The following SLC20A2 variants were observed in gnomAD, a reference collection of about 807,000 sequenced individuals.
The protein encoded by SLC20A2 is sodium-dependent phosphate transporter 2.
A neutral mutation model predicts 61.0 loss-of-function variants in SLC20A2; 30 were observed. The observed-to-expected ratio is 0.49, with a 90% CI of 0.37 to 0.67. SLC20A2 has a LOEUF of 0.67. SLC20A2 is among the 30% of genes least tolerant of loss of function. SLC20A2 has a pLI of 0.00. For synonymous variants in SLC20A2, 351 were observed against 353.3 expected, an observed-to-expected ratio of 0.99 and a Z score of 0.07; for missense variants, 626 against 866.4, an observed-to-expected ratio of 0.72 and a Z score of 3.48.
intron 1 of SLC20A2, among the ~76,000 whole-genome samples, chr8:42,509,627 G>A (rs538851490): frequency 7.2e-4 from 109 of 152,124 alleles, no homozygotes; most frequent in African/African-American, 2.0e-3. Context: ...AGTGGTACCC[G>A]CCTGTAGTCC....
chr8:42,440,443 T>A (rs1804688336), intron 6 of SLC20A2, among the ~76,000 whole-genome samples: 1 of 152,218 alleles, frequency 6.6e-6, no homozygotes. Context: ...TTGAAATCCA[T>A]CCACGTTGTT....
chr8:42,454,134 G>A (rs908387167), intron 5 of SLC20A2, among the ~76,000 whole-genome samples: 9 of 152,118 alleles, frequency 5.9e-5, no homozygotes, highest in African/African-American at 1.9e-4. Flanking sequence ...CTCCCGAGTA[G>A]CTGGGACTAC....
At chr8:42,535,494 A>G (rs1812643917) in intron 1 of SLC20A2, among the ~76,000 whole-genome samples, 2 of 152,246 alleles carry the variant, frequency 1.3e-5, no homozygotes. Flanking sequence ...AATATTTTCA[A>G]AAAAACTTAA....
At chr8:42,532,845 T>C (rs1037508159) in intron 1 of SLC20A2, among the ~76,000 whole-genome samples, 1 of 151,476 alleles carries the variant, frequency 6.6e-6, no homozygotes, top group African/African-American at 2.4e-5. Flanking sequence ...AAGTGGCAGG[T>C]GCGCAGGCGG....
intron 8 of SLC20A2, among the ~76,000 whole-genome samples, 166 bp downstream of exon 8, chr8:42,436,823 C>A (rs1804301807): frequency 6.6e-6 from 1 of 152,230 alleles, no homozygotes; most frequent in African/African-American, 2.4e-5. Flanking sequence ...TGCTCGCTGT[C>A]CCGCACGCAA....
intron 1 of SLC20A2, among the ~76,000 whole-genome samples, chr8:42,479,915 G>C (rs1221845637): frequency 6.6e-6 from 1 of 152,190 alleles, no homozygotes; most frequent in East Asian, 1.9e-4. Context: ...TGAATGAGGA[G>C]CACTCAGGGG....
intron 1 of SLC20A2, among the ~76,000 whole-genome samples, chr8:42,488,941 T>G (rs1443302555): frequency 3.4e-4 from 49 of 143,054 alleles, no homozygotes; most frequent in African/African-American, 1.0e-3. Flanking sequence ...TTTTGTTTTT[T>G]TTTTTTTTTT....
chr8:42,478,539 T>C (rs1473386686), intron 1 of SLC20A2, among the ~76,000 whole-genome samples: 1 of 152,082 alleles, frequency 6.6e-6, no homozygotes, highest in South Asian at 2.1e-4. Flanking sequence ...AAAAGTGAAG[T>C]GTACACTTGC....
chr8:42,456,200 T>G (rs949036605), intron 5 of SLC20A2, among the ~76,000 whole-genome samples: 1 of 152,112 alleles, frequency 6.6e-6, no homozygotes, highest in Non-Finnish European at 1.5e-5. Flanking sequence ...GTAATTGTCT[T>G]CTGACAGTTG....
At chr8:42,513,960 T>C (rs1272911726) in intron 1 of SLC20A2, among the ~76,000 whole-genome samples, 1 of 152,142 alleles carries the variant, frequency 6.6e-6, no homozygotes, top group African/African-American at 2.4e-5. Context: ...GTGTTCTGAA[T>C]ACAAGTGATG....
At chr8:42,450,090 G>A (rs1440570925) in intron 5 of SLC20A2, among the ~76,000 whole-genome samples, 1 of 152,140 alleles carries the variant, frequency 6.6e-6, no homozygotes, top group Non-Finnish European at 1.5e-5. Flanking sequence ...AAGCATTAGA[G>A]GAGCTACCTA....
chr8:42,429,131 A>G (rs560538023), intron 9 of SLC20A2, among the ~76,000 whole-genome samples: 31 of 152,336 alleles, frequency 2.0e-4, no homozygotes, highest in Admixed American at 5.9e-4. Context: ...AAGATAGTAA[A>G]TCAGTCATTT....
chr8:42,513,316 C>T (rs1332653273), intron 1 of SLC20A2, among the ~76,000 whole-genome samples: 1 of 152,170 alleles, frequency 6.6e-6, no homozygotes, highest in African/African-American at 2.4e-5. Context: ...TAACAGCTGC[C>T]ACCATCACAG....
At chr8:42,495,161 C>T (rs1423288166) in intron 1 of SLC20A2, among the ~76,000 whole-genome samples, 3 of 152,094 alleles carry the variant, frequency 2.0e-5, no homozygotes, top group Admixed American at 2.0e-4. Context: ...GGCCACGTCT[C>T]TTATTTTTAA....
rs372827268 is a variant in SLC20A2, at chr8:42,416,513, G to A, written c.*1290C>T. ...TTTTTATTATAAATTTAATATGGTT[G>A]ATTAATGAAAAATGACAATGAAGTA... On this transcript the variant is annotated 3_prime_UTR_variant, in exon 11 of 11. Transcript: ENST00000520262. The A allele has an allele frequency of 6.6e-6, 1 of 152,582 alleles. No individual in the cohort carries two copies. The highest frequency in any genetic ancestry group is 1.5e-5 in the Non-Finnish European group (1 of 68,028). 9.5% of individuals were successfully genotyped at this position (152,582 alleles called of 1,614,324 possible).
chr8:42,432,559 C>T (rs553883750), intron 8 of SLC20A2, among the ~76,000 whole-genome samples: 58 of 152,276 alleles, frequency 3.8e-4, no homozygotes, highest in African/African-American at 8.9e-4. Context: ...AGAAATTCTA[C>T]GGTGGGTAAA....
Position 42,455,198 on chromosome 8 carries a change from C to T in SLC20A2, c.613+4698G>A, listed in dbSNP as rs542340999. Among the ~76,000 whole-genome samples, 166 of 126,272 alleles carry T rather than the reference C, an allele frequency of 1.3e-3. 1 individual carries two copies. Among genetic ancestry groups the T allele is most frequent in the Non-Finnish European group, 2.3e-3 (147 of 63,448 alleles). 82.8% of individuals were successfully genotyped at this position (126,272 alleles called of 152,430 possible). A position where few individuals can be genotyped will look rare whatever the true frequency, so the allele number is the denominator to read the frequency against. ...TGAGATCACACTACTGCACTCTAGC[C>T]TAGGAGACAGAGCAAGACTCCGTCT... is the stretch of plus-strand genomic sequence containing the variant. On this transcript the variant is annotated intron_variant, in intron 5 of 10. Coordinates refer to ENST00000520262, the MANE Select transcript of SLC20A2 (RefSeq NM_001257180.2).
At chr8:42,528,855 CG>C (rs1025295199) in intron 1 of SLC20A2, among the ~76,000 whole-genome samples, 1 of 151,856 alleles carries the variant, frequency 6.6e-6, no homozygotes, top group African/African-American at 2.4e-5. Flanking sequence ...TTAGTAGAAA[CG>C]GGGTTTCTCC....
intron 5 of SLC20A2, among the ~76,000 whole-genome samples, chr8:42,449,598 A>G (rs1805491326): frequency 6.6e-6 from 1 of 152,226 alleles, no homozygotes; most frequent in African/African-American, 2.4e-5. Flanking sequence ...CAGTTTCCTT[A>G]TATCATGACC....
Sources: gnomAD v4.1 joint callset for allele counts (sites outside exome capture counted in the v4.1 genomes callset) on GRCh38, gnomAD v4.1.1 for gene constraint, MANE v1.5 for transcripts, NCBI Gene and HGNC (gene_info 2026-07-23, HGNC 2026-07-21) for gene names.